Variants in TOM1L1 observed in about 807,000 individuals in gnomAD.
The protein encoded by TOM1L1 is TOM1-like protein 1.
Under a neutral mutation model 63.4 loss-of-function variants are expected in TOM1L1, and 64 were observed. That is an observed-to-expected ratio of 1.01 (90% CI 0.83 to 1.24). The LOEUF (loss-of-function observed/expected upper bound fraction) is 1.24. Among genes scored for constraint, TOM1L1 ranks in the 50% most tolerant of loss-of-function variants. The pLI is 0.00. For synonymous variants in TOM1L1, 166 were observed against 194.4 expected (o/e 0.85, Z 1.22); for missense variants, 536 against 567.0 (o/e 0.95, Z 0.55).
intron 8 of TOM1L1, among the ~76,000 whole-genome samples, chr17:54,930,858 AAAAT>A (rs933195648): frequency 5.9e-5 from 9 of 151,694 alleles, no homozygotes; most frequent in Admixed American, 3.9e-4. Context: ...ATAAATAAAT[AAAAT>A]AAATAAATAA....
At chr17:54,950,407 T>G (rs1006824119) in intron 14 of TOM1L1, among the ~76,000 whole-genome samples, 2 of 152,232 alleles carry the variant, frequency 1.3e-5, no homozygotes, top group African/African-American at 4.8e-5. Flanking sequence ...CAGAAAGTCA[T>G]GTTCTCTTTA....
intron 2 of TOM1L1, among the ~76,000 whole-genome samples, 166 bp from the exon 3 acceptor site, chr17:54,905,323 T>G (rs1313314747): frequency 6.6e-6 from 1 of 152,198 alleles, no homozygotes. Context: ...TGAAGAAATT[T>G]AGGTTCAAGA....
At chr17:54,905,679 G>T (rs2048397716) in intron 3 of TOM1L1, 112 bp downstream of exon 3, 1 of 670,660 alleles carries the variant, frequency 1.5e-6, no homozygotes, top group African/African-American at 1.8e-5. Flanking sequence ...TAATAGGTTA[G>T]CTAGGAGTTG....
At chr17:54,920,988 G>T (rs1345586134) in intron 7 of TOM1L1, among the ~76,000 whole-genome samples, 5 of 152,024 alleles carry the variant, frequency 3.3e-5, no homozygotes, top group Non-Finnish European at 5.9e-5. Flanking sequence ...CGCTTTGTGG[G>T]GCTGAGGTTT....
chr17:54,947,731 T>C (rs2049143334), intron 12 of TOM1L1, among the ~76,000 whole-genome samples: 1 of 152,228 alleles, frequency 6.6e-6, no homozygotes, highest in African/African-American at 2.4e-5. Context: ...CCATCTCTTT[T>C]GGTGGCTCTT....
intron 14 of TOM1L1, chr17:54,959,616 A>ATT (rs71361745): frequency 0.27 from 37,206 of 138,492 alleles, 5,255 homozygotes; most frequent in African/African-American, 0.29. Flanking sequence ...TGGAAGATTA[A>ATT]TTTTTTTTTT....
intron 15 of TOM1L1, 52 bp from the exon 16 acceptor site, chr17:54,961,183 G>C: frequency 1.7e-6 from 2 of 1,204,274 alleles, no homozygotes; most frequent in Non-Finnish European, 2.4e-6. Context: ...TCAAGGAATG[G>C]GGAAAGAGAA....
chr17:54,907,251 C>A (rs1008821373), intron 3 of TOM1L1, among the ~76,000 whole-genome samples: 2 of 151,280 alleles, frequency 1.3e-5, no homozygotes, highest in African/African-American at 4.9e-5. Context: ...TGTAGAAATC[C>A]CAGAATGATG....
intron 8 of TOM1L1, among the ~76,000 whole-genome samples, chr17:54,935,980 G>T (rs2048938962): frequency 6.6e-6 from 1 of 151,996 alleles, no homozygotes; most frequent in Non-Finnish European, 1.5e-5. Flanking sequence ...AAAATTAGCT[G>T]GGCATGGTGG....
At chr17:54,912,840 G>T (rs1402384002) in intron 4 of TOM1L1, 25 bp downstream of exon 4, 1 of 1,517,030 alleles carries the variant, frequency 6.6e-7, no homozygotes, top group East Asian at 2.4e-5. Context: ...TACCTCATGG[G>T]ATGGTAAATT....
intron 13 of TOM1L1, 72 bp from the exon 14 acceptor site, chr17:54,949,973 T>C: frequency 4.1e-6 from 5 of 1,224,300 alleles, no homozygotes; most frequent in Non-Finnish European, 5.9e-6. Flanking sequence ...GTCTAAATTA[T>C]AAAAAGAATA....
intron 6 of TOM1L1, 29 bp from the exon 7 acceptor site, chr17:54,915,717 C>G (rs2048576215): frequency 7.4e-6 from 11 of 1,487,710 alleles, no homozygotes; most frequent in Non-Finnish European, 1.0e-5. Flanking sequence ...GTGTGTCGCA[C>G]TGACTGGTGA....
intron 6 of TOM1L1, 63 bp downstream of exon 6, chr17:54,914,806 C>A: frequency 7.6e-7 from 1 of 1,323,904 alleles, no homozygotes; most frequent in South Asian, 1.2e-5. Flanking sequence ...ACCTTATATA[C>A]AGTTTGTCTT....
intron 7 of TOM1L1, among the ~76,000 whole-genome samples, chr17:54,923,408 GT>G (rs1167252364): frequency 1.3e-5 from 2 of 151,004 alleles, no homozygotes; most frequent in Admixed American, 6.6e-5. Context: ...TTTCCATTGT[GT>G]TTTTTTTAAT....
At chr17:54,913,418 C>G (rs543592926) in intron 4 of TOM1L1, among the ~76,000 whole-genome samples, 1 of 152,204 alleles carries the variant, frequency 6.6e-6, no homozygotes, top group Non-Finnish European at 1.5e-5. Flanking sequence ...GTAATCCCAG[C>G]ACTTTGGGAG....
At chr17:54,928,435 C>T (rs2048804270) in intron 7 of TOM1L1, among the ~76,000 whole-genome samples, 1 of 152,104 alleles carries the variant, frequency 6.6e-6, no homozygotes, top group Non-Finnish European at 1.5e-5. Context: ...CCCCAACTTC[C>T]ATAGCAGGCA....
Position 54,942,432 on chromosome 17 carries a change from T to G in TOM1L1, c.1130+3412T>G, listed in dbSNP as rs1194346047. 2.0e-5 allele frequency: 3 copies of G among 152,098 alleles called. No individual in the cohort carries two copies. In the East Asian group the frequency reaches 5.8e-4, roughly 29 times the overall value. The allele number at this position is 152,098 out of a possible 1,614,324, so 9.4% of individuals were successfully genotyped here. On this transcript the variant is annotated intron_variant, in intron 11 of 15. Transcript: ENST00000575882. ...CTCATAGGCCATATTTATGACCCAT[T>G]TACTAACAGGCAACAAGCTAAGAAG...
At chr17:54,903,198 A>AT (rs1286156459) in intron 1 of TOM1L1, among the ~76,000 whole-genome samples, 1 of 152,200 alleles carries the variant, frequency 6.6e-6, no homozygotes, top group East Asian at 1.9e-4. Flanking sequence ...CCCCCAGAGA[A>AT]TAAATTATTT....
Position 54,912,743 on chromosome 17 carries a change from T to C in TOM1L1, c.300T>C (p.Asn100=), listed in dbSNP as rs751312264. ...TGAAGAAGGAATTTGTTAAAGAGAA[T>C]TTAGTTAAGCTACTGAATCCCAGAT... is the stretch of plus-strand genomic sequence containing the variant. ...LIVKKEFVKE[N]LVKLLNPRYN... is the part of the protein sequence containing the mutation. Residue 100 remains asparagine (N), a synonymous_variant, in exon 4 of 16, where the codon AAT becomes AAC. Coordinates refer to ENST00000575882, the MANE Select transcript of TOM1L1 (RefSeq NM_005486.3). The C allele has an allele frequency of 3.1e-6, 5 of 1,611,908 alleles. No homozygotes were observed. In the South Asian group the frequency reaches 4.4e-5, roughly 14 times the overall value.
Sources: allele counts gnomAD v4.1 joint callset (sites outside exome capture counted in the v4.1 genomes callset), GRCh38; gene constraint gnomAD v4.1.1; transcripts MANE v1.5; gene names NCBI Gene and HGNC (gene_info 2026-07-23, HGNC 2026-07-21).